CTNNA3: variants seen among roughly 807,000 people sequenced by gnomAD.
CTNNA3 encodes catenin alpha 3, also known as catenin alpha-3.
A neutral mutation model predicts 95.7 loss-of-function variants in CTNNA3; 76 were observed. The observed-to-expected ratio is 0.79, with a 90% CI of 0.66 to 0.96. CTNNA3 has a LOEUF of 0.96. Ranked by LOEUF, CTNNA3 falls within the 40% of genes least tolerant of loss-of-function variation. The pLI is 0.00. For missense variants in CTNNA3, 1,191 were observed against 1,089.8 expected, an observed-to-expected ratio of 1.09 and a Z score of -1.31; for synonymous variants, 431 against 374.4, an observed-to-expected ratio of 1.15 and a Z score of -1.74.
At chr10:67,682,232 C>T (rs550346835) in intron 1 of CTNNA3, among the ~76,000 whole-genome samples, 10 of 150,424 alleles carry the variant, frequency 6.6e-5, no homozygotes, top group African/African-American at 2.4e-4. Context: ...GAGGCTGAGG[C>T]AGGAGAATGG....
At chr10:67,135,508 T>A (rs1860253729) in intron 7 of CTNNA3, among the ~76,000 whole-genome samples, 1 of 151,796 alleles carries the variant, frequency 6.6e-6, no homozygotes, top group Non-Finnish European at 1.5e-5. Context: ...ACTAAAAAAT[T>A]AAAATAAAAT....
chr10:67,722,222 T>C (rs543619114), intron 1 of CTNNA3, among the ~76,000 whole-genome samples: 86 of 152,280 alleles, frequency 5.6e-4, no homozygotes, highest in African/African-American at 1.9e-3. Context: ...CTAGCAGAAT[T>C]TCACAGGATC....
At chr10:65,960,091 C>A (rs748275482) in intron 17 of CTNNA3, among the ~76,000 whole-genome samples, 2 of 152,294 alleles carry the variant, frequency 1.3e-5, no homozygotes, top group Admixed American at 6.5e-5. Flanking sequence ...ATAGAGTGCT[C>A]ATATCTTAAT....
chr10:67,094,465 T>C (rs1857844561), intron 7 of CTNNA3, among the ~76,000 whole-genome samples: 1 of 151,810 alleles, frequency 6.6e-6, no homozygotes, highest in Non-Finnish European at 1.5e-5. Flanking sequence ...TTATAGTAAT[T>C]GGGGGAACAG....
intron 7 of CTNNA3, among the ~76,000 whole-genome samples, chr10:67,033,921 G>A (rs1030487438): frequency 4.6e-5 from 7 of 152,008 alleles, no homozygotes; most frequent in South Asian, 2.1e-4. Context: ...ACAGGCTTGC[G>A]CTACCACACC....
intron 1 of CTNNA3, among the ~76,000 whole-genome samples, chr10:67,692,610 C>T (rs61869471): frequency 1.5e-5 from 2 of 134,142 alleles, no homozygotes; most frequent in African/African-American, 2.9e-5. Context: ...TGCGGAAGGC[C>T]GCAGGGTCCT....
intron 7 of CTNNA3, among the ~76,000 whole-genome samples, chr10:67,140,851 T>C (rs1860525723): frequency 6.6e-6 from 1 of 152,204 alleles, no homozygotes; most frequent in South Asian, 2.1e-4. Context: ...CACAGTAGCC[T>C]GCATGAACAG....
At chr10:66,281,394 C>T (rs1400670210) in intron 12 of CTNNA3, among the ~76,000 whole-genome samples, 1 of 151,736 alleles carries the variant, frequency 6.6e-6, no homozygotes, top group Non-Finnish European at 1.5e-5. Context: ...TCTAAGTGTT[C>T]AATGTGATTC....
At chr10:67,760,922 T>TA (rs1841458648) in intron 1 of CTNNA3, among the ~76,000 whole-genome samples, 1 of 152,206 alleles carries the variant, frequency 6.6e-6, no homozygotes, top group Non-Finnish European at 1.5e-5. Flanking sequence ...TATTTCATTA[T>TA]ATATTACAAT....
At chr10:67,106,180 C>A (rs1164597167) in intron 7 of CTNNA3, among the ~76,000 whole-genome samples, 3 of 152,100 alleles carry the variant, frequency 2.0e-5, no homozygotes, top group African/African-American at 7.2e-5. Context: ...ATTGGTACTA[C>A]CACAGGGGTA....
intron 15 of CTNNA3, among the ~76,000 whole-genome samples, chr10:66,004,560 G>A (rs1195870621): frequency 2.6e-5 from 4 of 152,182 alleles, no homozygotes; most frequent in Non-Finnish European, 5.9e-5. Flanking sequence ...AGCCATTAAT[G>A]TTAGCTGAGA....
chr10:66,534,522 A>C (rs532903487), intron 10 of CTNNA3, among the ~76,000 whole-genome samples: 13 of 149,026 alleles, frequency 8.7e-5, no homozygotes, highest in African/African-American at 3.2e-4. Flanking sequence ...GATTTTTATC[A>C]TATGTATCTA....
At chr10:66,523,761 T>C (rs1260729071) in intron 10 of CTNNA3, among the ~76,000 whole-genome samples, 1 of 152,162 alleles carries the variant, frequency 6.6e-6, no homozygotes, top group Non-Finnish European at 1.5e-5. Flanking sequence ...CTAGTAGCCT[T>C]GTAGGTTTCT....
intron 11 of CTNNA3, among the ~76,000 whole-genome samples, chr10:66,504,288 C>T (rs922613232): frequency 2.4e-4 from 37 of 152,280 alleles, no homozygotes; most frequent in African/African-American, 6.5e-4. Context: ...AATGTAACTC[C>T]TAGATGCATT....
chr10:66,235,751 T>C (rs890102458), intron 13 of CTNNA3, among the ~76,000 whole-genome samples: 17 of 144,822 alleles, frequency 1.2e-4, no homozygotes, highest in South Asian at 4.6e-4. Flanking sequence ...CAGATAGTTA[T>C]GATAAAAATG....
chr10:66,139,739 C>A (rs1564690987), intron 13 of CTNNA3, among the ~76,000 whole-genome samples: 2 of 152,274 alleles, frequency 1.3e-5, no homozygotes, highest in East Asian at 1.9e-4. Flanking sequence ...ACAGACACTG[C>A]AAGCATTATA....
chr10:66,932,285 A>C (rs1316541578), intron 7 of CTNNA3, among the ~76,000 whole-genome samples: 7 of 152,196 alleles, frequency 4.6e-5, no homozygotes, highest in Non-Finnish European at 7.3e-5. Flanking sequence ...TAGGTGCATG[A>C]AATATCTCTT....
chr10:66,380,373 A>T (rs940098546), intron 11 of CTNNA3, among the ~76,000 whole-genome samples: 1 of 151,974 alleles, frequency 6.6e-6, no homozygotes, highest in African/African-American at 2.4e-5. Flanking sequence ...ACTTTGGGAG[A>T]CCTAGGAAGG....
chr10:67,652,840 C>T (rs1839916464), intron 1 of CTNNA3, among the ~76,000 whole-genome samples: 1 of 152,090 alleles, frequency 6.6e-6, no homozygotes, highest in Non-Finnish European at 1.5e-5. Flanking sequence ...CTATTCCTTC[C>T]TGTTTTTGTT....
Sources: gnomAD v4.1 joint callset for allele counts (sites outside exome capture counted in the v4.1 genomes callset) on GRCh38, gnomAD v4.1.1 for gene constraint, MANE v1.5 for transcripts, NCBI Gene and HGNC (gene_info 2026-07-23, HGNC 2026-07-21) for gene names.